The following SLC17A1 variants were observed in gnomAD, a reference collection of about 807,000 sequenced individuals.
The protein encoded by SLC17A1 is solute carrier family 17 member 1.
Under a neutral mutation model 53.5 loss-of-function variants are expected in SLC17A1, and 51 were observed. The observed-to-expected ratio is 0.95, with a 90% CI of 0.76 to 1.20. SLC17A1 has a LOEUF of 1.20. Ranked by LOEUF, SLC17A1 falls within the 50% of genes most tolerant of loss-of-function variation. The pLI is 0.00. For missense variants in SLC17A1, 538 were observed against 568.2 expected, an observed-to-expected ratio of 0.95 and a Z score of 0.54; for synonymous variants, 179 against 198.8, an observed-to-expected ratio of 0.90 and a Z score of 0.84.
chr6:25,809,727 A>C (rs1057417383), intron 10 of SLC17A1, among the ~76,000 whole-genome samples: 3 of 152,124 alleles, frequency 2.0e-5, no homozygotes, highest in Non-Finnish European at 4.4e-5. Flanking sequence ...AATCCTTATC[A>C]AAATTCCCAT....
At chr6:25,821,365 A>C (rs1431149179) in intron 3 of SLC17A1, among the ~76,000 whole-genome samples, 1 of 152,208 alleles carries the variant, frequency 6.6e-6, no homozygotes, top group Non-Finnish European at 1.5e-5. Flanking sequence ...AGAATACCAA[A>C]TAATAACCAG....
the SLC17A1 span, among the ~76,000 whole-genome samples, chr6:25,731,216 T>G: frequency 7.7e-4 from 117 of 152,340 alleles, no homozygotes; most frequent in Middle Eastern, 3.4e-3. Context: ...GGAGTTAGCC[T>G]GATCACTTTT....
the SLC17A1 span, among the ~76,000 whole-genome samples, chr6:25,733,802 GTGTA>G: frequency 2.3e-3 from 150 of 66,092 alleles, 1 homozygote; most frequent in African/African-American, 5.4e-3. Flanking sequence ...GTGTGTGTGT[GTGTA>G]TGTGTGTGTG....
chr6:25,826,644 A>G lies in SLC17A1; in HGVS notation c.35-11T>C. 1 of 1,545,984 alleles carries G rather than the reference A, an allele frequency of 6.5e-7. No individual in the cohort carries two copies. Among genetic ancestry groups the G allele is most frequent in the Admixed American group, 1.9e-5 (1 of 52,712 alleles). On this transcript the variant is annotated splice_polypyrimidine_tract_variant and intron_variant, in intron 2 of 12. Transcript: ENST00000244527. ...AACAGAAACCTGGAACTACAAAGTA[A>G]AACAGAAAGTCGCAATTGCTGACAG...
the SLC17A1 span, among the ~76,000 whole-genome samples, chr6:25,724,230 C>G: frequency 1.3e-5 from 2 of 152,180 alleles, no homozygotes; most frequent in Non-Finnish European, 2.9e-5. Flanking sequence ...TGGAGACCAG[C>G]CTGGCCAACA....
chr6:25,743,805 T>C, the SLC17A1 span, among the ~76,000 whole-genome samples: 1 of 152,092 alleles, frequency 6.6e-6, no homozygotes. Flanking sequence ...AATGGATAAA[T>C]AAATAAACCA....
At chr6:25,805,121 C>T (rs1301262723) in intron 10 of SLC17A1, among the ~76,000 whole-genome samples, 2 of 151,920 alleles carry the variant, frequency 1.3e-5, no homozygotes, top group African/African-American at 2.4e-5. Context: ...CAAGATACAC[C>T]GTATGATAGG....
the SLC17A1 span, among the ~76,000 whole-genome samples, chr6:25,739,013 T>A: frequency 6.6e-6 from 1 of 152,210 alleles, no homozygotes; most frequent in Non-Finnish European, 1.5e-5. Flanking sequence ...TACAACATGA[T>A]CTAGTACTCC....
chr6:25,732,519 G>A, the SLC17A1 span: 1 of 435,922 alleles, frequency 2.3e-6, no homozygotes, highest in Admixed American at 3.2e-5. Context: ...CCCCGTGGGC[G>A]GTGTCAACGG....
At position 25,814,285 on chromosome 6, in the gene SLC17A1, T is replaced by C. The variant is rs560091751; in HGVS notation, c.617-1072A>G. Among the ~76,000 whole-genome samples the C allele has an allele frequency of 1.4e-4, 21 of 152,334 alleles. No individual in the cohort carries two copies. In the South Asian group the frequency reaches 4.3e-3, roughly 32 times the overall value. On this transcript the variant is annotated intron_variant, in intron 6 of 12. Transcript: ENST00000244527. Reference sequence around the variant, plus strand: ...ATTTTAAGTACTGGGGATACAGCAGTGAATAAAACAGACAAAAGGCCCTGC... The same window carrying C: ...ATTTTAAGTACTGGGGATACAGCAGCGAATAAAACAGACAAAAGGCCCTGC...
At chr6:25,764,198 A>G in the SLC17A1 span, among the ~76,000 whole-genome samples, 39 of 152,294 alleles carry the variant, frequency 2.6e-4, no homozygotes, top group African/African-American at 8.9e-4. Flanking sequence ...ACCTTGGGCC[A>G]GAATGCCCTC....
the SLC17A1 span, among the ~76,000 whole-genome samples, chr6:25,738,710 A>G: frequency 6.6e-6 from 1 of 152,210 alleles, no homozygotes; most frequent in Non-Finnish European, 1.5e-5. Flanking sequence ...CTATCCCAGT[A>G]AAAAATGAAC....
intron 10 of SLC17A1, among the ~76,000 whole-genome samples, chr6:25,801,886 TA>T (rs1763773658): frequency 6.6e-6 from 1 of 151,848 alleles, no homozygotes; most frequent in South Asian, 2.1e-4. Context: ...TGGGTAGGAT[TA>T]GAGTTGTCTC....
chr6:25,826,122 C>A (rs1452429557), intron 3 of SLC17A1, among the ~76,000 whole-genome samples: 1 of 152,064 alleles, frequency 6.6e-6, no homozygotes, highest in Non-Finnish European at 1.5e-5. Context: ...TCCTGCAAGT[C>A]AAAAACTTTA....
intron 10 of SLC17A1, among the ~76,000 whole-genome samples, chr6:25,802,944 T>C (rs1479189209): frequency 5.5e-4 from 56 of 101,942 alleles, no homozygotes; most frequent in African/African-American, 2.4e-3. Flanking sequence ...TCTTTTTTTT[T>C]TTTTTTTTTT....
intron 12 of SLC17A1, among the ~76,000 whole-genome samples, chr6:25,784,693 A>G (rs1045425687): frequency 1.2e-4 from 19 of 152,152 alleles, no homozygotes; most frequent in Admixed American, 1.2e-3. Flanking sequence ...CATACCTTAC[A>G]GATATTGTTC....
the SLC17A1 span, among the ~76,000 whole-genome samples, chr6:25,767,522 A>AAG: frequency 6.6e-6 from 1 of 152,178 alleles, no homozygotes; most frequent in Non-Finnish European, 1.5e-5. Context: ...TAGACCACAC[A>AAG]AGCTGGAATT....
At chr6:25,780,435 T>C (rs1314297866), downstream of SLC17A1, 1 of 152,180 alleles carries the variant, frequency 6.6e-6, no homozygotes, top group Non-Finnish European at 1.5e-5. Flanking sequence ...TGAGCTGGGA[T>C]CTGAAGGATA....
intron 12 of SLC17A1, among the ~76,000 whole-genome samples, chr6:25,789,281 T>A (rs1328737770): frequency 6.6e-6 from 1 of 152,000 alleles, no homozygotes; most frequent in Non-Finnish European, 1.5e-5. Context: ...TGAGACAAAT[T>A]GAGCATCAAA....
Sources: allele counts gnomAD v4.1 joint callset (sites outside exome capture counted in the v4.1 genomes callset), GRCh38; gene constraint gnomAD v4.1.1; transcripts MANE v1.5; gene names NCBI Gene and HGNC (gene_info 2026-07-23, HGNC 2026-07-21).